GALNT13: variants seen among roughly 807,000 people sequenced by gnomAD.
GALNT13 encodes the protein UDP-GalNAc:polypeptide N-acetylgalactosaminyltransferase 13.
Under a neutral mutation model 64.2 loss-of-function variants are expected in GALNT13, and 28 were observed. The observed-to-expected ratio is 0.44, with a 90% CI of 0.32 to 0.60. GALNT13 has a LOEUF of 0.60. Ranked by LOEUF, GALNT13 falls within the 20% of genes least tolerant of loss-of-function variation. The pLI is 0.05. For missense variants in GALNT13, 577 were observed against 669.8 expected, an observed-to-expected ratio of 0.86 and a Z score of 1.53; for synonymous variants, 214 against 224.6, an observed-to-expected ratio of 0.95 and a Z score of 0.42.
chr2:153,851,394 T>C, the GALNT13 span, among the ~76,000 whole-genome samples: 1 of 152,190 alleles, frequency 6.6e-6, no homozygotes, highest in East Asian at 1.9e-4. Flanking sequence ...GTATTGAAAA[T>C]CTTTTAGGTA....
the GALNT13 span, among the ~76,000 whole-genome samples, chr2:153,247,886 A>G: frequency 6.6e-6 from 1 of 152,320 alleles, no homozygotes; most frequent in African/African-American, 2.4e-5. Flanking sequence ...GGATATCACC[A>G]TTGATCCCAT....
chr2:153,307,834 T>A, the GALNT13 span, among the ~76,000 whole-genome samples: 1 of 152,148 alleles, frequency 6.6e-6, no homozygotes, highest in Non-Finnish European at 1.5e-5. Flanking sequence ...ATATAAAAGA[T>A]CAGGGACCTA....
intron 11 of GALNT13, among the ~76,000 whole-genome samples, chr2:154,423,635 A>G (rs1247800844): frequency 6.6e-6 from 1 of 152,220 alleles, no homozygotes; most frequent in Non-Finnish European, 1.5e-5. Context: ...ATAAATACAT[A>G]GCCCCCAATT....
chr2:153,360,779 G>C, the GALNT13 span, among the ~76,000 whole-genome samples: 1 of 152,170 alleles, frequency 6.6e-6, no homozygotes, highest in Non-Finnish European at 1.5e-5. Context: ...AGCAGACTTA[G>C]TCTTTCTAAG....
chr2:153,248,645 C>G, the GALNT13 span, among the ~76,000 whole-genome samples: 1 of 151,468 alleles, frequency 6.6e-6, no homozygotes, highest in African/African-American at 2.4e-5. Flanking sequence ...AACGCCATCT[C>G]TACTAAAAAA....
chr2:153,536,009 C>T, the GALNT13 span, among the ~76,000 whole-genome samples: 14 of 152,266 alleles, frequency 9.2e-5, no homozygotes, highest in African/African-American at 3.4e-4. Flanking sequence ...TTATCTGACT[C>T]GGGGCATGTT....
chr2:153,204,383 A>G, the GALNT13 span, among the ~76,000 whole-genome samples: 1 of 152,202 alleles, frequency 6.6e-6, no homozygotes, highest in Non-Finnish European at 1.5e-5. Flanking sequence ...TGTTTCACAG[A>G]AGAGAGGCTT....
chr2:153,490,705 A>G, the GALNT13 span, among the ~76,000 whole-genome samples: 1 of 152,346 alleles, frequency 6.6e-6, no homozygotes, highest in African/African-American at 2.4e-5. Flanking sequence ...CACACCTGTA[A>G]TCCCAGCACT....
At chr2:153,248,224 C>T in the GALNT13 span, among the ~76,000 whole-genome samples, 1 of 152,170 alleles carries the variant, frequency 6.6e-6, no homozygotes, top group East Asian at 1.9e-4. Flanking sequence ...AGGCCAGCAT[C>T]ATCTTGATAC....
intron 3 of GALNT13, among the ~76,000 whole-genome samples, chr2:154,031,341 A>G (rs1698325428): frequency 6.6e-6 from 1 of 152,020 alleles, no homozygotes; most frequent in Admixed American, 6.6e-5. Flanking sequence ...AAGAAGAGGA[A>G]AAAAATAAAC....
intron 7 of GALNT13, among the ~76,000 whole-genome samples, chr2:154,247,323 C>T (rs1021911991): frequency 6.6e-6 from 1 of 151,998 alleles, no homozygotes; most frequent in East Asian, 1.9e-4. Flanking sequence ...GCTCATGTTA[C>T]CATCATTTAT....
the GALNT13 span, among the ~76,000 whole-genome samples, chr2:153,496,993 C>CAAAAAAAAAAAAAAA: frequency 2.2e-5 from 2 of 90,880 alleles, no homozygotes; most frequent in Admixed American, 1.2e-4. Flanking sequence ...GATTTTGTCT[C>CAAAAAAAAAAAAAAA]AAAAAAAAAA....
chr2:154,357,088 T>C (rs943434898), intron 9 of GALNT13, among the ~76,000 whole-genome samples: 1 of 152,054 alleles, frequency 6.6e-6, no homozygotes. Flanking sequence ...ATCTATCTTC[T>C]AATTGCTTTT....
intron 11 of GALNT13, among the ~76,000 whole-genome samples, chr2:154,438,019 T>G (rs992023914): frequency 6.6e-6 from 1 of 152,152 alleles, no homozygotes; most frequent in African/African-American, 2.4e-5. Context: ...GAAGAATTGA[T>G]GTAGTTAAGC....
At chr2:153,082,602 T>TAC in the GALNT13 span, among the ~76,000 whole-genome samples, 1 of 45,534 alleles carries the variant, frequency 2.2e-5, no homozygotes, top group Non-Finnish European at 4.1e-5. Context: ...TATATATATA[T>TAC]ATATATATAT....
the GALNT13 span, among the ~76,000 whole-genome samples, chr2:153,684,395 C>T: frequency 6.6e-6 from 1 of 151,652 alleles, no homozygotes; most frequent in Non-Finnish European, 1.5e-5. Flanking sequence ...TTTATTCCAG[C>T]TATATGCTAC....
chr2:153,501,454 T>C, the GALNT13 span, among the ~76,000 whole-genome samples: 1 of 151,992 alleles, frequency 6.6e-6, no homozygotes, highest in Non-Finnish European at 1.5e-5. Flanking sequence ...ACCTCAGCCC[T>C]CCTGGTAGCC....
intron 4 of GALNT13, among the ~76,000 whole-genome samples, chr2:154,239,654 C>T (rs1689375752): frequency 6.6e-6 from 1 of 152,112 alleles, no homozygotes; most frequent in African/African-American, 2.4e-5. Context: ...GACAATAAAT[C>T]CAACTACTTT....
At chr2:154,371,635 A>G (rs1215723935) in intron 9 of GALNT13, among the ~76,000 whole-genome samples, 1 of 152,082 alleles carries the variant, frequency 6.6e-6, no homozygotes, top group Non-Finnish European at 1.5e-5. Context: ...GCATAATTTT[A>G]GAAATCACAT....
Sources: allele counts gnomAD v4.1 joint callset (sites outside exome capture counted in the v4.1 genomes callset), GRCh38; gene constraint gnomAD v4.1.1; transcripts MANE v1.5; gene names NCBI Gene and HGNC (gene_info 2026-07-23, HGNC 2026-07-21).